Variants in PICALM observed in about 807,000 individuals in gnomAD.
PICALM encodes phosphatidylinositol binding clathrin assembly protein.
Under a neutral mutation model 80.5 loss-of-function variants are expected in PICALM, and 40 were observed. The ratio of observed to expected loss-of-function variants is 0.50; its 90% CI spans 0.39 to 0.65. The LOEUF is 0.65. Among genes scored for constraint, PICALM ranks in the 30% least tolerant of loss-of-function variants. The pLI is 0.00. For missense variants in PICALM, 676 were observed against 778.9 expected (o/e 0.87, Z 1.57); for synonymous variants, 288 against 260.3 (o/e 1.11, Z -1.02).
intron 4 of PICALM, among the ~76,000 whole-genome samples, chr11:86,018,863 T>A (rs1487911874): frequency 6.7e-6 from 1 of 149,648 alleles, no homozygotes; most frequent in East Asian, 2.0e-4. Flanking sequence ...CACCCCAGCC[T>A]GGGTGATAGA....
At chr11:86,049,255 C>T (rs1741406311) in intron 1 of PICALM, among the ~76,000 whole-genome samples, 1 of 152,122 alleles carries the variant, frequency 6.6e-6, no homozygotes, top group African/African-American at 2.4e-5. Flanking sequence ...TGCACTGCAG[C>T]CTGGGTGACA....
chr11:86,010,316 C>T (rs887214462), intron 7 of PICALM, among the ~76,000 whole-genome samples: 4 of 149,850 alleles, frequency 2.7e-5, no homozygotes, highest in African/African-American at 4.9e-5. Flanking sequence ...CCATTTCTGT[C>T]GGGGAACAAA....
chr11:86,042,218 T>C (rs1450805564), intron 1 of PICALM, among the ~76,000 whole-genome samples: 1 of 152,146 alleles, frequency 6.6e-6, no homozygotes, highest in Non-Finnish European at 1.5e-5. Context: ...CAAACCTAGA[T>C]ACCTTAGGCC....
chr11:86,023,128 A>C (rs1415642106), intron 3 of PICALM, among the ~76,000 whole-genome samples: 2 of 152,158 alleles, frequency 1.3e-5, no homozygotes, highest in Non-Finnish European at 1.5e-5. Context: ...AAAACACCAA[A>C]AACTTTGTGT....
At chr11:86,058,737 T>C (rs1446963020) in intron 1 of PICALM, among the ~76,000 whole-genome samples, 1 of 152,218 alleles carries the variant, frequency 6.6e-6, no homozygotes, top group East Asian at 1.9e-4. Flanking sequence ...AAGTGTGCTT[T>C]ATCCCTTCTT....
chr11:86,048,447 T>C (rs985958219), intron 1 of PICALM, among the ~76,000 whole-genome samples: 2 of 152,208 alleles, frequency 1.3e-5, no homozygotes, highest in Non-Finnish European at 2.9e-5. Context: ...TAAGACTTTA[T>C]ATTAAATTGA....
intron 19 of PICALM, among the ~76,000 whole-genome samples, chr11:85,962,136 C>A (rs1351629142): frequency 1.3e-5 from 2 of 152,108 alleles, no homozygotes; most frequent in Non-Finnish European, 2.9e-5. Flanking sequence ...CATGCCTGGG[C>A]TTGAGGTTTC....
intron 1 of PICALM, among the ~76,000 whole-genome samples, chr11:86,061,239 G>GA (rs1194254701): frequency 7.0e-6 from 1 of 142,358 alleles, no homozygotes; most frequent in Non-Finnish European, 1.5e-5. Context: ...TGAGGCAGAA[G>GA]AATCACTTGA....
chr11:85,994,993 C>T (rs528387958), intron 12 of PICALM, among the ~76,000 whole-genome samples: 13 of 152,252 alleles, frequency 8.5e-5, no homozygotes, highest in Admixed American at 1.3e-4. Context: ...TGTGAGCCAT[C>T]GCACCTGGCC....
chr11:86,067,672 G>A (rs1302600465), intron 1 of PICALM, among the ~76,000 whole-genome samples: 3 of 152,152 alleles, frequency 2.0e-5, no homozygotes, highest in African/African-American at 7.2e-5. Context: ...AGGGATGTAT[G>A]TTATTTGTAA....
chr11:86,026,939 G>A (rs2095657914), intron 2 of PICALM, among the ~76,000 whole-genome samples: 1 of 152,046 alleles, frequency 6.6e-6, no homozygotes, highest in Non-Finnish European at 1.5e-5. Flanking sequence ...TTTCACACAG[G>A]TTTTCACCAT....
chr11:86,040,485 T>C (rs1224274787), intron 1 of PICALM, among the ~76,000 whole-genome samples: 1 of 152,196 alleles, frequency 6.6e-6, no homozygotes, highest in Non-Finnish European at 1.5e-5. Flanking sequence ...ACTACAGATG[T>C]GAGCCACCGC....
chr11:85,998,265 C>T lies in PICALM; in HGVS notation c.1155-1336G>A, dbSNP rs549448922. ...TAGCTGGGACTACAGGCGCCTGCCA[C>T]CACGCCCGGCTAATTTTTTATATTT... On this transcript the variant is annotated intron_variant, in intron 11 of 19. Transcript: ENST00000393346. Among the ~76,000 whole-genome samples, 8 of 151,994 alleles carry T rather than the reference C, an allele frequency of 5.3e-5. 1 individual carries two copies. The highest frequency in any genetic ancestry group is 1.9e-4 in the African/African-American group (8 of 41,494).
At chr11:85,994,905 T>C (rs1278169742) in intron 12 of PICALM, among the ~76,000 whole-genome samples, 1 of 152,346 alleles carries the variant, frequency 6.6e-6, no homozygotes, top group South Asian at 2.1e-4. Context: ...GGTTTTGCCA[T>C]GTTGGCGAGG....
chr11:85,996,779 G>A lies in PICALM; in HGVS notation c.1258+47C>T, dbSNP rs147121383. The A allele has an allele frequency of 6.5e-3, 6,699 of 1,036,666 alleles. 32 individuals carry two copies. Among genetic ancestry groups the A allele is most frequent in the Non-Finnish European group, 9.0e-3 (5,925 of 657,786 alleles). The allele number at this position is 1,036,666 out of a possible 1,614,324, so 64.2% of individuals were successfully genotyped here. A position where few individuals can be genotyped will look rare whatever the true frequency, so the allele number is the denominator to read the frequency against. On this transcript the variant is annotated intron_variant, in intron 12 of 19. Transcript: ENST00000393346. ...AAATAAGTAAACACCACAGAATGAGGAGGAGAGATGCATGTAACATCTAAA... is the reference window on the plus strand; with the variant it reads ...AAATAAGTAAACACCACAGAATGAGAAGGAGAGATGCATGTAACATCTAAA...
chr11:86,022,620 G>C, intron 3 of PICALM, 151 bp from the exon 4 acceptor site: 1 of 494,556 alleles, frequency 2.0e-6, no homozygotes, highest in Non-Finnish European at 3.5e-6. Flanking sequence ...TGTAAATTAA[G>C]TAACTAATTA....
chr11:85,984,184 A>G (rs1360290501), intron 13 of PICALM, among the ~76,000 whole-genome samples: 3 of 152,204 alleles, frequency 2.0e-5, no homozygotes, highest in Non-Finnish European at 4.4e-5. Flanking sequence ...TTAACAAATG[A>G]GCAACTCACA....
At chr11:85,987,318 C>A (rs942093016) in intron 13 of PICALM, among the ~76,000 whole-genome samples, 2 of 152,162 alleles carry the variant, frequency 1.3e-5, no homozygotes, top group Admixed American at 1.3e-4. Flanking sequence ...AAGACTTGAA[C>A]CCCCATTTGT....
At chr11:86,000,871 C>A in intron 10 of PICALM, 92 bp from the exon 11 acceptor site, 1 of 1,506,948 alleles carries the variant, frequency 6.6e-7, no homozygotes, top group Admixed American at 2.0e-5. Flanking sequence ...GTTCTGATAG[C>A]AGATATTCTG....
Sources: allele counts gnomAD v4.1 joint callset (sites outside exome capture counted in the v4.1 genomes callset), GRCh38; gene constraint gnomAD v4.1.1; transcripts MANE v1.5; gene names NCBI Gene and HGNC (gene_info 2026-07-23, HGNC 2026-07-21).